The following TLL1 variants were observed in gnomAD, a reference collection of about 807,000 sequenced individuals.
TLL1 encodes tolloid like 1.
A neutral mutation model predicts 128.2 loss-of-function variants in TLL1; 49 were observed. The ratio of observed to expected loss-of-function variants is 0.38; its 90% CI spans 0.30 to 0.48. The LOEUF is 0.48. Among genes scored for constraint, TLL1 ranks in the 20% least tolerant of loss-of-function variants. The pLI, the probability that TLL1 is intolerant of heterozygous loss-of-function variation, is 0.96. For synonymous variants in TLL1, 454 were observed against 418.8 expected, an observed-to-expected ratio of 1.08 and a Z score of -1.03; for missense variants, 1,123 against 1,242.0, an observed-to-expected ratio of 0.90 and a Z score of 1.44.
intron 1 of TLL1, among the ~76,000 whole-genome samples, chr4:165,971,831 T>C (rs573644404): frequency 6.6e-6 from 1 of 152,208 alleles, no homozygotes; most frequent in Admixed American, 6.5e-5. Context: ...CTGTCTCTTT[T>C]TGGAGGGGCT....
intron 1 of TLL1, among the ~76,000 whole-genome samples, chr4:165,945,467 G>C (rs1337188725): frequency 6.6e-6 from 1 of 152,120 alleles, no homozygotes; most frequent in Non-Finnish European, 1.5e-5. Flanking sequence ...AGAGGGCAGA[G>C]ATAATGGTAG....
rs189141940 is a variant in TLL1, at chr4:166,023,933, A to G, written c.1043-1383A>G. ...TAGGTTTGGTTTTTTTTTTATAGAA[A>G]CACACTCAACTCCCAAATCATTGTT... On this transcript the variant is annotated intron_variant, in intron 8 of 20. Coordinates refer to ENST00000061240, the MANE Select transcript of TLL1 (RefSeq NM_012464.5). Among the ~76,000 whole-genome samples, 1,025 of 152,156 alleles carry G rather than the reference A, an allele frequency of 6.7e-3. 16 individuals are homozygous for G. Among genetic ancestry groups the G allele is most frequent in the African/African-American group, 0.024 (978 of 41,518 alleles).
At chr4:165,881,025 A>C (rs1730945486) in intron 1 of TLL1, among the ~76,000 whole-genome samples, 1 of 152,248 alleles carries the variant, frequency 6.6e-6, no homozygotes, top group Non-Finnish European at 1.5e-5. Context: ...AAAAGATGGA[A>C]CTTTGTTCCT....
At chr4:165,990,741 T>A (rs1170792813) in intron 2 of TLL1, among the ~76,000 whole-genome samples, 2 of 151,972 alleles carry the variant, frequency 1.3e-5, no homozygotes, top group African/African-American at 2.4e-5. Flanking sequence ...AATACCACTA[T>A]CAGATATAAA....
chr4:165,909,385 A>T (rs980972349), intron 1 of TLL1, among the ~76,000 whole-genome samples: 5 of 152,216 alleles, frequency 3.3e-5, no homozygotes, highest in African/African-American at 1.2e-4. Flanking sequence ...TTTAAAGTTC[A>T]GAGGAGAGTC....
At chr4:165,914,834 C>G (rs1381953927) in intron 1 of TLL1, among the ~76,000 whole-genome samples, 1 of 152,202 alleles carries the variant, frequency 6.6e-6, no homozygotes, top group Non-Finnish European at 1.5e-5. Context: ...CAAATCTGCC[C>G]TCTGCTGTAT....
chr4:166,063,749 C>A (rs535695303), intron 15 of TLL1, among the ~76,000 whole-genome samples: 1 of 152,114 alleles, frequency 6.6e-6, no homozygotes, highest in East Asian at 1.9e-4. Context: ...GGACAGAAAA[C>A]CAAACACTGC....
At chr4:166,063,160 C>A (rs1386864554) in intron 15 of TLL1, among the ~76,000 whole-genome samples, 1 of 151,926 alleles carries the variant, frequency 6.6e-6, no homozygotes, top group Non-Finnish European at 1.5e-5. Flanking sequence ...ATCAAACAAC[C>A]CCATCAAAAA....
At chr4:166,018,829 A>G (rs760457943) in intron 8 of TLL1, among the ~76,000 whole-genome samples, 6 of 152,230 alleles carry the variant, frequency 3.9e-5, no homozygotes, top group Non-Finnish European at 7.3e-5. Context: ...GCTGTAGAGT[A>G]AAGGGAACAC....
chr4:165,880,844 G>T (rs895680860), intron 1 of TLL1, among the ~76,000 whole-genome samples: 1 of 152,174 alleles, frequency 6.6e-6, no homozygotes, highest in African/African-American at 2.4e-5. Flanking sequence ...CACATGGATT[G>T]TGTACCACAG....
intron 1 of TLL1, among the ~76,000 whole-genome samples, chr4:165,965,952 G>T (rs146325305): frequency 1.3e-5 from 2 of 152,038 alleles, no homozygotes; most frequent in Non-Finnish European, 2.9e-5. Context: ...AGGCTGAGGT[G>T]GGTGGATCAC....
At chr4:166,014,592 T>C in intron 8 of TLL1, 32 bp downstream of exon 8, 1 of 1,609,070 alleles carries the variant, frequency 6.2e-7, no homozygotes, top group East Asian at 2.2e-5. Context: ...AGAGCATGAC[T>C]GTACTTGATT....
intron 1 of TLL1, among the ~76,000 whole-genome samples, chr4:165,982,857 C>T (rs114990851): frequency 1.8e-4 from 27 of 151,710 alleles, no homozygotes; most frequent in African/African-American, 6.3e-4. Context: ...AAAGACGTAT[C>T]AGGGTTGACT....
chr4:165,968,271 A>G (rs956966963), intron 1 of TLL1, among the ~76,000 whole-genome samples: 1 of 152,280 alleles, frequency 6.6e-6, no homozygotes, highest in Middle Eastern at 3.4e-3. Flanking sequence ...GGTTGTTTTG[A>G]CTATTTTTGA....
intron 1 of TLL1, among the ~76,000 whole-genome samples, chr4:165,944,557 A>C (rs949395773): frequency 5.9e-5 from 9 of 152,102 alleles, no homozygotes; most frequent in Non-Finnish European, 1.2e-4. Flanking sequence ...CTTTCACAGT[A>C]TAAAGAGAAA....
At chr4:166,057,792 A>G (rs1740101108) in intron 14 of TLL1, among the ~76,000 whole-genome samples, 1 of 152,112 alleles carries the variant, frequency 6.6e-6, no homozygotes, top group African/African-American at 2.4e-5. Flanking sequence ...AGATTTCGTA[A>G]GACTTTCTCA....
At position 166,055,184 on chromosome 4, in the gene TLL1, A is replaced by G. The variant is rs116465330; in HGVS notation, c.1633A>G (p.Ile545Val). The G allele has an allele frequency of 2.5e-4, 407 of 1,613,768 alleles. 2 individuals carry two copies. The African/African-American group carries it at 5.0e-3, about 20-fold the overall frequency. Residue 545 changes from isoleucine to valine, a missense_variant, in exon 13 of 21, where the codon ATA (isoleucine) becomes GTA (valine). Transcript: ENST00000061240. ...CTGTGGTTATGACAAACCTGAAGAC[A>G]TAAGATCTACCTCCAATACTTTGTG... Reference protein sequence around the residue: ...RFCGYDKPEDIRSTSNTLWMK... With the variant: ...RFCGYDKPEDVRSTSNTLWMK...
At chr4:165,931,718 C>CA (rs761214388) in intron 1 of TLL1, among the ~76,000 whole-genome samples, 1 of 133,488 alleles carries the variant, frequency 7.5e-6, no homozygotes, top group Admixed American at 8.4e-5. Flanking sequence ...GACTCTGTCT[C>CA]AAAAGAAAAA....
intron 19 of TLL1, among the ~76,000 whole-genome samples, chr4:166,096,210 G>GGTGTGTGTGTGT (rs60978680): frequency 6.9e-6 from 1 of 145,480 alleles, no homozygotes; most frequent in African/African-American, 2.5e-5. Context: ...TTCTGTCATG[G>GGTGTGTGTGTGT]GTGTGTGTGT....
Sources: gnomAD v4.1 joint callset for allele counts (sites outside exome capture counted in the v4.1 genomes callset) on GRCh38, gnomAD v4.1.1 for gene constraint, MANE v1.5 for transcripts, NCBI Gene and HGNC (gene_info 2026-07-23, HGNC 2026-07-21) for gene names.